Variants in CAMKMT observed in about 807,000 individuals in gnomAD.
The protein encoded by CAMKMT is CaM KMT.
CAMKMT carries 53 observed loss-of-function variants against 48.0 expected under a neutral mutation model. The observed-to-expected ratio is 1.10, with a 90% CI of 0.89 to 1.39. CAMKMT has a LOEUF of 1.39. CAMKMT is among the 40% of genes most tolerant of loss of function. CAMKMT has a pLI of 0.00. For missense variants in CAMKMT, 428 were observed against 402.7 expected (o/e 1.06, Z -0.54); for synonymous variants, 165 against 152.3 (o/e 1.08, Z -0.61).
chr2:44,372,662 A>G, intron 1 of CAMKMT, 54 bp from the exon 2 acceptor site: 1 of 1,533,782 alleles, frequency 6.5e-7, no homozygotes, highest in Non-Finnish European at 8.8e-7. Context: ...TTTGAACACT[A>G]AACTTACTAT....
Position 44,766,303 on chromosome 2 carries a change from A to G in CAMKMT, c.763-127A>G, listed in dbSNP as rs937707945. On this transcript the variant is annotated intron_variant, in intron 9 of 10. Coordinates refer to ENST00000378494, the MANE Select transcript of CAMKMT (RefSeq NM_024766.5). ...TTCTCACTGTGAATGTCCATCCTGC[A>G]TAGACATCTCAAGAACAATTGAGTT... The G allele has an allele frequency of 3.1e-5, 30 of 962,646 alleles. No individual in the cohort carries two copies. The Admixed American group carries it at 3.2e-4, about 10-fold the overall frequency. 59.6% of individuals were successfully genotyped at this position (962,646 alleles called of 1,614,324 possible). A position where few individuals can be genotyped will look rare whatever the true frequency, so the allele number is the denominator to read the frequency against.
chr2:44,765,200 C>T (rs942582975), intron 9 of CAMKMT, among the ~76,000 whole-genome samples: 3 of 152,086 alleles, frequency 2.0e-5, no homozygotes, highest in Non-Finnish European at 2.9e-5. Context: ...TGCACTCCAG[C>T]CTGGGTGACA....
intron 3 of CAMKMT, among the ~76,000 whole-genome samples, chr2:44,472,054 C>A (rs907021192): frequency 6.6e-6 from 1 of 152,068 alleles, no homozygotes; most frequent in Non-Finnish European, 1.5e-5. Context: ...ATGATTCTTC[C>A]TAAAAGAATT....
At chr2:44,753,542 T>G (rs1463718460) in intron 8 of CAMKMT, among the ~76,000 whole-genome samples, 1 of 152,222 alleles carries the variant, frequency 6.6e-6, no homozygotes, top group Non-Finnish European at 1.5e-5. Flanking sequence ...TTTTTGTAGC[T>G]GTTCACTCCT....
chr2:44,768,370 T>A (rs1343857267), intron 10 of CAMKMT, among the ~76,000 whole-genome samples: 43 of 146,260 alleles, frequency 2.9e-4, no homozygotes, highest in Non-Finnish European at 5.1e-4. Flanking sequence ...TATTTTTTTT[T>A]TTTTTTTAAT....
chr2:44,541,325 T>C (rs1183536635), intron 3 of CAMKMT, among the ~76,000 whole-genome samples: 1 of 152,186 alleles, frequency 6.6e-6, no homozygotes, highest in Non-Finnish European at 1.5e-5. Flanking sequence ...CATTCTGTCT[T>C]ATAGTAGGAG....
chr2:44,428,256 G>C (rs1684410229), intron 3 of CAMKMT, among the ~76,000 whole-genome samples: 1 of 152,144 alleles, frequency 6.6e-6, no homozygotes. Context: ...AGTTGGAAAT[G>C]GGGTGGAGTG....
At chr2:44,634,800 CAA>C (rs4039616) in intron 3 of CAMKMT, among the ~76,000 whole-genome samples, 5 of 110,126 alleles carry the variant, frequency 4.5e-5, no homozygotes, top group African/African-American at 3.6e-5. Context: ...GAGGGCTAGC[CAA>C]AAAAAAAAAA....
intron 3 of CAMKMT, among the ~76,000 whole-genome samples, chr2:44,578,872 T>C (rs7582708): frequency 0.61 from 92,776 of 152,120 alleles, 28,858 homozygotes; most frequent in Admixed American, 0.68. Flanking sequence ...TACAAATGAC[T>C]ATTTGGTACA....
chr2:44,555,968 G>C (rs4263157), intron 3 of CAMKMT, among the ~76,000 whole-genome samples: 41 of 151,952 alleles, frequency 2.7e-4, no homozygotes, highest in African/African-American at 9.4e-4. Flanking sequence ...AGTGGGCTAA[G>C]GGGTGAGTGA....
intron 3 of CAMKMT, among the ~76,000 whole-genome samples, chr2:44,566,660 A>G (rs1668635802): frequency 6.6e-6 from 1 of 152,178 alleles, no homozygotes; most frequent in Non-Finnish European, 1.5e-5. Context: ...AATTAGCCAT[A>G]GGAAGGAGGT....
Position 44,704,198 on chromosome 2 carries a change from G to A in CAMKMT, c.377-85G>A, listed in dbSNP as rs2048869. On this transcript the variant is annotated intron_variant, in intron 3 of 10. Coordinates refer to ENST00000378494, the MANE Select transcript of CAMKMT (RefSeq NM_024766.5). Reference sequence around the variant, plus strand: ...ATGTTGTTTGATTGAAGTTGAAATAGCTTGTACTGAACATTATTTTTAAAA... The same window carrying A: ...ATGTTGTTTGATTGAAGTTGAAATAACTTGTACTGAACATTATTTTTAAAA... The A allele has an allele frequency of 1.4e-3, 1,410 of 988,920 alleles. 18 individuals carry two copies. In the African/African-American group the frequency reaches 0.021, roughly 14 times the overall value. 61.3% of individuals were successfully genotyped at this position (988,920 alleles called of 1,614,324 possible).
At chr2:44,669,940 T>C (rs1675233837) in intron 3 of CAMKMT, among the ~76,000 whole-genome samples, 2 of 152,170 alleles carry the variant, frequency 1.3e-5, no homozygotes, top group African/African-American at 4.8e-5. Flanking sequence ...GCCTGGCTCA[T>C]TATGGTTTTA....
chr2:44,638,230 T>C (rs1673251986), intron 3 of CAMKMT, among the ~76,000 whole-genome samples: 1 of 152,172 alleles, frequency 6.6e-6, no homozygotes, highest in Non-Finnish European at 1.5e-5. Context: ...ACTATTTCTC[T>C]TGTTTCTTTC....
chr2:44,460,206 G>GA (rs1193141324), intron 3 of CAMKMT, among the ~76,000 whole-genome samples: 3 of 151,922 alleles, frequency 2.0e-5, no homozygotes, highest in African/African-American at 7.3e-5. Flanking sequence ...ACAGAAGAGG[G>GA]AAAAAAAGCC....
In CAMKMT at chr2:44,444,245, G is replaced by T. The variant is rs182533594; in HGVS notation, c.376+53940G>T. On this transcript the variant is annotated intron_variant, in intron 3 of 10. Coordinates refer to ENST00000378494, the MANE Select transcript of CAMKMT (RefSeq NM_024766.5). Reference sequence around the variant, plus strand: ...AGCATTAAATTCAGTCCTGCCTTGAGCAATTTAGTATTTTTTGAGGCGACA... The same window carrying T: ...AGCATTAAATTCAGTCCTGCCTTGATCAATTTAGTATTTTTTGAGGCGACA... Among the ~76,000 whole-genome samples, 491 of 152,252 alleles carry T rather than the reference G, an allele frequency of 3.2e-3. 2 individuals carry two copies. Among genetic ancestry groups the T allele is most frequent in the Admixed American group, 3.5e-3 (53 of 15,300 alleles).
chr2:44,377,351 A>T (rs1679804130), intron 2 of CAMKMT, among the ~76,000 whole-genome samples: 1 of 152,108 alleles, frequency 6.6e-6, no homozygotes. Flanking sequence ...GGCTCTTGTT[A>T]TTAGATAGAT....
At chr2:44,450,256 G>A (rs1667220822) in intron 3 of CAMKMT, among the ~76,000 whole-genome samples, 2 of 152,132 alleles carry the variant, frequency 1.3e-5, no homozygotes. Context: ...CCAATGAGCA[G>A]TTTAGAGGCA....
chr2:44,362,123 C>G lies in CAMKMT; in HGVS notation c.116C>G (p.Ala39Gly). ...GTAGTCTCGGCGCCCCTGGGAGCCG[C>G]CCGGTGGAAGCTCCTGCGGCAGGTA... Reference protein sequence around the residue: ...GPVVSAPLGAARWKLLRQVLK... With the variant: ...GPVVSAPLGAGRWKLLRQVLK... Residue 39 changes from alanine (A) to glycine (G), a missense_variant, in exon 1 of 11, where the codon GCC becomes GGC. Ala to Gly is a moderately conservative substitution (Grantham distance 60). Coordinates refer to ENST00000378494, the MANE Select transcript of CAMKMT (RefSeq NM_024766.5). The G allele has an allele frequency of 6.8e-7, 1 of 1,476,544 alleles. No individual in the cohort carries two copies. The highest frequency in any genetic ancestry group is 8.9e-7 in the Non-Finnish European group (1 of 1,124,716). 91.5% of individuals were successfully genotyped at this position (1,476,544 alleles called of 1,614,324 possible). A position where few individuals can be genotyped will look rare whatever the true frequency, so the allele number is the denominator to read the frequency against.
Sources: gnomAD v4.1 joint callset for allele counts (sites outside exome capture counted in the v4.1 genomes callset) on GRCh38, gnomAD v4.1.1 for gene constraint, MANE v1.5 for transcripts, NCBI Gene and HGNC (gene_info 2026-07-23, HGNC 2026-07-21) for gene names.